The following HDAC4 variants were observed in gnomAD, a reference collection of about 807,000 sequenced individuals.
HDAC4 encodes histone deacetylase 4.
In HDAC4, 16 loss-of-function variants were observed where a neutral mutation model predicts 135.1. The observed-to-expected ratio is 0.12, with a 90% CI of 0.08 to 0.18. The LOEUF (loss-of-function observed/expected upper bound fraction) is 0.18. HDAC4 is among the 10% of genes least tolerant of loss of function. The probability of loss-of-function intolerance (pLI) is 1.00; values close to 1 mark genes in which losing one functional copy is unlikely to be tolerated. For synonymous variants in HDAC4, 685 were observed against 653.4 expected (o/e 1.05, Z -0.74); for missense variants, 1,143 against 1,511.8 (o/e 0.76, Z 4.05).
At chr2:239,094,273 AG>A in intron 17 of HDAC4, 1 of 985,046 alleles carries the variant, frequency 1.0e-6, no homozygotes, top group Non-Finnish European at 1.2e-6. Context: ...CAAGGAGGTC[AG>A]GGGCCAGGGG....
At chr2:239,277,870 C>G (rs966459476) in intron 2 of HDAC4, among the ~76,000 whole-genome samples, 1 of 151,308 alleles carries the variant, frequency 6.6e-6, no homozygotes, top group African/African-American at 2.5e-5. Flanking sequence ...ACTGAGAATA[C>G]TCTCCGCTCA....
chr2:239,099,308 C>T (rs140185589), intron 16 of HDAC4, among the ~76,000 whole-genome samples: 2 of 152,350 alleles, frequency 1.3e-5, no homozygotes, highest in Non-Finnish European at 2.9e-5. Context: ...TTCTGAAAGG[C>T]GTGGAGGTGG....
chr2:239,348,744 GCCT>G (rs1559377771), intron 2 of HDAC4, among the ~76,000 whole-genome samples: 3 of 152,226 alleles, frequency 2.0e-5, no homozygotes, highest in African/African-American at 7.2e-5. Context: ...AGGCTCCAGG[GCCT>G]CCTTTCAAAG....
intron 6 of HDAC4, among the ~76,000 whole-genome samples, chr2:239,157,745 A>G (rs142011658): frequency 1.3e-5 from 2 of 152,244 alleles, no homozygotes; most frequent in Non-Finnish European, 2.9e-5. Flanking sequence ...ACACCAATGC[A>G]CCTGGAGTTA....
intron 2 of HDAC4, among the ~76,000 whole-genome samples, chr2:239,301,192 C>T (rs960257003): frequency 2.6e-5 from 4 of 152,228 alleles, no homozygotes; most frequent in Admixed American, 2.0e-4. Context: ...CGGCAGAAGG[C>T]CCCTTCTGGA....
intron 3 of HDAC4, among the ~76,000 whole-genome samples, chr2:239,224,767 T>C (rs2047149576): frequency 6.6e-6 from 1 of 152,208 alleles, no homozygotes; most frequent in Admixed American, 6.5e-5. Context: ...AGTGAATGAA[T>C]GAATGAGTTG....
At chr2:239,346,742 C>A in intron 2 of HDAC4, among the ~76,000 whole-genome samples, 1 of 138,508 alleles carries the variant, frequency 7.2e-6, no homozygotes, top group African/African-American at 2.7e-5. Flanking sequence ...TAAAACACAC[C>A]CTGACACACA....
At chr2:239,171,138 T>A (rs2043424756) in intron 5 of HDAC4, among the ~76,000 whole-genome samples, 1 of 112,006 alleles carries the variant, frequency 8.9e-6, no homozygotes. Context: ...CAACCTAAAA[T>A]ATCCAACCAT....
At chr2:239,161,862 T>C in intron 6 of HDAC4, 1 of 377,852 alleles carries the variant, frequency 2.6e-6, no homozygotes, top group Middle Eastern at 3.8e-4. Flanking sequence ...TCTCAGCACG[T>C]CCCTCAGCGC....
At chr2:239,346,980 C>G (rs1692748124) in intron 2 of HDAC4, among the ~76,000 whole-genome samples, 1 of 121,618 alleles carries the variant, frequency 8.2e-6, no homozygotes, top group Admixed American at 1.1e-4. Flanking sequence ...CGCACCCTAA[C>G]ACACACACCC....
Position 239,306,653 on chromosome 2 carries a change from C to A in HDAC4, c.22+46025G>T, listed in dbSNP as rs2052600908. ...CCCCATGTTCCCCCTATATGCCCCC[C>A]ACACTGCCCAGGTGATGGCAGAACC... On this transcript the variant is annotated intron_variant, in intron 2 of 26. Transcript: ENST00000543185. The surrounding 1 kb of genome is among the most constrained non-coding windows in gnomAD (Gnocchi z 4.5). Among the ~76,000 whole-genome samples, 1 of 152,148 alleles carries A rather than the reference C, an allele frequency of 6.6e-6. No homozygotes were observed. The highest frequency in any genetic ancestry group is 2.4e-5 in the African/African-American group (1 of 41,442).
chr2:239,231,052 A>T (rs1411955933), intron 3 of HDAC4, among the ~76,000 whole-genome samples: 1 of 152,186 alleles, frequency 6.6e-6, no homozygotes, highest in Non-Finnish European at 1.5e-5. Flanking sequence ...CCAAACGTGA[A>T]TTTTGCGTTA....
chr2:239,201,212 G>C (rs952282703), intron 3 of HDAC4, among the ~76,000 whole-genome samples: 6 of 152,208 alleles, frequency 3.9e-5, no homozygotes, highest in African/African-American at 1.4e-4. Context: ...AGTGAGAGGA[G>C]GCTGGTCTTG....
rs181002383 is a variant in HDAC4 at position 239,099,417 on chromosome 2, C to T, written c.2233+3359G>A. 1.2e-3 allele frequency among the ~76,000 whole-genome samples: 183 copies of T among 152,368 alleles called. 4 individuals carry two copies. Among genetic ancestry groups the T allele is most frequent in the Admixed American group, 0.012 (182 of 15,306 alleles). On this transcript the variant is annotated intron_variant, in intron 16 of 26. Coordinates refer to ENST00000543185, the MANE Select transcript of HDAC4 (RefSeq NM_001378414.1). Reference sequence around the variant, plus strand: ...CCTGCTGAAGCCCCTGCTGTGGCAGCCCCGGTGACATCGAGGCAAAGATCT... The same window carrying T: ...CCTGCTGAAGCCCCTGCTGTGGCAGTCCCGGTGACATCGAGGCAAAGATCT...
At chr2:239,152,191 AG>A (rs1381085463) in intron 7 of HDAC4, among the ~76,000 whole-genome samples, 1 of 152,390 alleles carries the variant, frequency 6.6e-6, no homozygotes, top group East Asian at 1.9e-4. Context: ...TCCATTCCTC[AG>A]CGTGAACATG....
intron 3 of HDAC4, among the ~76,000 whole-genome samples, chr2:239,222,760 G>A (rs1045598032): frequency 3.3e-5 from 5 of 151,968 alleles, no homozygotes; most frequent in African/African-American, 1.2e-4. Flanking sequence ...TAATGTTTCA[G>A]GACTGAGCAC....
chr2:239,100,282 A>G (rs1176011134), intron 16 of HDAC4, among the ~76,000 whole-genome samples: 1 of 152,086 alleles, frequency 6.6e-6, no homozygotes, highest in African/African-American at 2.4e-5. Context: ...CTTCTCCATC[A>G]TCTCACTTCC....
chr2:239,269,655 A>T (rs2049952355), intron 2 of HDAC4, among the ~76,000 whole-genome samples: 3 of 152,232 alleles, frequency 2.0e-5, no homozygotes, highest in Admixed American at 2.0e-4. Context: ...TTTCCTAAAA[A>T]GACAAATATC....
intron 22 of HDAC4, among the ~76,000 whole-genome samples, chr2:239,074,375 G>C (rs1366996101): frequency 6.6e-6 from 1 of 152,268 alleles, no homozygotes; most frequent in Non-Finnish European, 1.5e-5. Context: ...TTGAAGTGCT[G>C]CTGAGCTATT....
Sources: allele counts gnomAD v4.1 joint callset (sites outside exome capture counted in the v4.1 genomes callset), GRCh38; gene constraint gnomAD v4.1.1; non-coding constraint Gnocchi (gnomAD v3.1); transcripts MANE v1.5; gene names NCBI Gene and HGNC (gene_info 2026-07-23, HGNC 2026-07-21).